Variants in ADGB observed in about 807,000 individuals in gnomAD.
ADGB encodes the protein androglobin, also known as calpain-7-like protein.
In ADGB, 172 loss-of-function variants were observed where a neutral mutation model predicts 210.5. That is an observed-to-expected ratio of 0.82 (90% CI 0.72 to 0.93). The LOEUF (loss-of-function observed/expected upper bound fraction) is 0.93, where lower values mean the gene tolerates loss of function less well. Ranked by LOEUF, ADGB falls within the 40% of genes least tolerant of loss-of-function variation. The pLI, the probability that ADGB is intolerant of heterozygous loss-of-function variation, is 0.00. For missense variants in ADGB, 2,025 were observed against 1,964.8 expected, an observed-to-expected ratio of 1.03 and a Z score of -0.58; for synonymous variants, 658 against 662.7, an observed-to-expected ratio of 0.99 and a Z score of 0.11.
chr6:146,790,248 T>C (rs1254896941), intron 33 of ADGB, among the ~76,000 whole-genome samples: 2 of 152,156 alleles, frequency 1.3e-5, no homozygotes, highest in Non-Finnish European at 2.9e-5. Context: ...GTTAGCTGTG[T>C]TCACCAAGCT....
chr6:146,705,246 G>A (rs2114549877), intron 13 of ADGB, among the ~76,000 whole-genome samples: 1 of 151,930 alleles, frequency 6.6e-6, no homozygotes, highest in East Asian at 1.9e-4. Context: ...GAAAAATTTA[G>A]CTTCTTTCTT....
Position 146,721,495 on chromosome 6 carries a change from G to A in ADGB, c.2085G>A (p.Gly695=), listed in dbSNP as rs1362150575. The change falls in exon 17 of 36, where the codon GGG becomes GGA. Residue 695 remains glycine (G), a synonymous_variant. Transcript: ENST00000397944. ...LVCFSALVRW[G]EYGALTKDSP... is the part of the protein sequence containing the mutation. ...GCTTTTCTGCATTGGTACGCTGGGG[G>A]GAGTATGGAGGTAAGAGGGCTCTGA... 1.9e-6 allele frequency: 3 copies of A among 1,542,832 alleles called. No individual in the cohort carries two copies. Among genetic ancestry groups the A allele is most frequent in the South Asian group, 1.2e-5 (1 of 83,866 alleles).
intron 1 of ADGB, among the ~76,000 whole-genome samples, chr6:146,605,092 A>G (rs749213387): frequency 6.6e-6 from 1 of 152,202 alleles, no homozygotes; most frequent in Non-Finnish European, 1.5e-5. Flanking sequence ...GGATAGATTA[A>G]GGAATTCAAA....
chr6:146,800,988 C>T (rs1196261778), intron 33 of ADGB, among the ~76,000 whole-genome samples, 195 bp from the exon 34 acceptor site: 1 of 151,654 alleles, frequency 6.6e-6, no homozygotes, highest in Non-Finnish European at 1.5e-5. Context: ...AGCATAGTAA[C>T]ACCAGCTAGA....
At chr6:146,734,959 C>T (rs901626606) in intron 22 of ADGB, among the ~76,000 whole-genome samples, 3 of 151,930 alleles carry the variant, frequency 2.0e-5, no homozygotes, top group Non-Finnish European at 2.9e-5. Context: ...TATTTTCATT[C>T]TGTGGTTTTT....
At chr6:146,623,519 A>T (rs1780926144) in intron 1 of ADGB, among the ~76,000 whole-genome samples, 1 of 151,864 alleles carries the variant, frequency 6.6e-6, no homozygotes, top group Admixed American at 6.6e-5. Flanking sequence ...ACAAAAGTTC[A>T]ATTTATTTTT....
rs775073604 is a variant in ADGB at position 146,740,555 on chromosome 6, T to C, written c.2985T>C (p.Tyr995=). The C allele has an allele frequency of 8.6e-5, 133 of 1,550,822 alleles. No homozygotes were observed. Among genetic ancestry groups the C allele is most frequent in the Non-Finnish European group, 1.1e-4 (127 of 1,146,616 alleles). ...KIAFADYTVT[Y]QEQPPNSWFI... ...CTTTTGCAGATTATACTGTGACTTA[T>C]CAAGAACAGCCACCAAATTCTTGGT... The change falls in exon 24 of 36, where the codon TAT becomes TAC. Residue 995 remains tyrosine, a synonymous_variant. Transcript: ENST00000397944.
At chr6:146,733,629 T>G (rs1777036808) in intron 21 of ADGB, among the ~76,000 whole-genome samples, 1 of 152,224 alleles carries the variant, frequency 6.6e-6, no homozygotes, top group Non-Finnish European at 1.5e-5. Context: ...TTAACATGTC[T>G]TTTATTTTTG....
chr6:146,622,421 C>A (rs1780907913), intron 1 of ADGB, among the ~76,000 whole-genome samples: 1 of 152,076 alleles, frequency 6.6e-6, no homozygotes, highest in South Asian at 2.1e-4. Context: ...CACAGACAAT[C>A]TTTGTTATTT....
chr6:146,604,456 C>G lies in ADGB; in HGVS notation c.74+5342C>G, dbSNP rs185905981. ...CTTTGTGGCCCCCCTTTGTTTCCCC[C>G]AACTTGAGATGTATGAAGGCTTTTG... On this transcript the variant is annotated intron_variant, in intron 1 of 35. Transcript: ENST00000397944. Among the ~76,000 whole-genome samples the G allele has an allele frequency of 1.3e-3, 193 of 151,966 alleles. 1 individual carries two copies. Among genetic ancestry groups the G allele is most frequent in the African/African-American group, 4.4e-3 (181 of 41,450 alleles).
chr6:146,714,981 A>G (rs1382406443), intron 13 of ADGB, among the ~76,000 whole-genome samples: 1 of 152,220 alleles, frequency 6.6e-6, no homozygotes, highest in Admixed American at 6.5e-5. Flanking sequence ...AGCCATTTTT[A>G]TAATTGAAAT....
intron 12 of ADGB, among the ~76,000 whole-genome samples, chr6:146,693,695 A>G (rs1471761507): frequency 1.3e-5 from 2 of 152,092 alleles, no homozygotes; most frequent in Non-Finnish European, 2.9e-5. Flanking sequence ...GAATTGTCCA[A>G]ATCTATTTCT....
Position 146,764,021 on chromosome 6 carries a change from A to G in ADGB, c.3671A>G (p.Gln1224Arg). 1 of 1,551,538 alleles carries G rather than the reference A, an allele frequency of 6.4e-7. No homozygotes were observed. The highest frequency in any genetic ancestry group is 1.2e-5 in the South Asian group (1 of 84,054). ...SPKGRAVSAI[Q>R]DIGLPLVEEE... is the part of the protein sequence containing the mutation. ...AAGGGTAGAGCTGTAAGTGCAATACAAGACATTGGTCTACCCCTTGTGGAG... is the reference window on the plus strand; with the variant it reads ...AAGGGTAGAGCTGTAAGTGCAATACGAGACATTGGTCTACCCCTTGTGGAG... The change falls in exon 28 of 36, where the codon CAA (glutamine) becomes CGA (arginine). Residue 1224 changes from glutamine (Q) to arginine (R), a missense_variant. Transcript: ENST00000397944.
chr6:146,778,205 G>A (rs1162384588), intron 29 of ADGB, among the ~76,000 whole-genome samples: 1 of 152,176 alleles, frequency 6.6e-6, no homozygotes, highest in Non-Finnish European at 1.5e-5. Context: ...ACCAGAAGCT[G>A]AAGTTGTAGC....
At chr6:146,754,774 T>C (rs1475849733) in intron 27 of ADGB, among the ~76,000 whole-genome samples, 4 of 152,058 alleles carry the variant, frequency 2.6e-5, no homozygotes, top group Non-Finnish European at 5.9e-5. Context: ...CTGGTGTTTT[T>C]CCAGTTTCCT....
rs61291410 is a variant in ADGB, at chr6:146,733,105, A to ATTAATGTAC, written c.2521-13_2521-12insAATGTACTT. On this transcript the variant is annotated splice_polypyrimidine_tract_variant and intron_variant, in intron 20 of 35. Coordinates refer to ENST00000397944, the MANE Select transcript of ADGB (RefSeq NM_024694.4). ...ATGGTATTTTCTTGCTATAAAAAAA[A>ATTAATGTAC]TTTATGTGTTTCAGGTTTTTCATCT... 0.45 allele frequency: 638,829 copies of ATTAATGTAC among 1,425,118 alleles called. 150,134 individuals carry two copies. The highest frequency in any genetic ancestry group is 0.68 in the African/African-American group (46,099 of 67,994). 88.3% of individuals were successfully genotyped at this position (1,425,118 alleles called of 1,614,324 possible).
intron 11 of ADGB, among the ~76,000 whole-genome samples, chr6:146,692,002 A>G (rs1385200640): frequency 2.0e-5 from 3 of 151,802 alleles, no homozygotes; most frequent in Non-Finnish European, 4.4e-5. Flanking sequence ...TCTGTTTGAC[A>G]CTTGAAAGGA....
In ADGB at chr6:146,624,026, C is replaced by T. The variant is rs112073656; in HGVS notation, c.75-11349C>T. Among the ~76,000 whole-genome samples the T allele has an allele frequency of 2.8e-3, 430 of 151,718 alleles. 4 individuals carry two copies. The highest frequency in any genetic ancestry group is 9.8e-3 in the African/African-American group (408 of 41,482). On this transcript the variant is annotated intron_variant, in intron 1 of 35. Coordinates refer to ENST00000397944, the MANE Select transcript of ADGB (RefSeq NM_024694.4). The stretch of plus-strand genomic sequence containing the variant: ...CTATGTTCATGAGAGATATTGGGTT[C>T]CAGTTTTCTTTTATTTTGATGTCTT...
In ADGB at chr6:146,692,859, G is replaced by C. The variant is rs1776350505; in HGVS notation, c.1521G>C (p.Glu507Asp). Reference protein sequence around the residue: ...LIVKKPERFLEISSPFLNYRM... With the variant: ...LIVKKPERFLDISSPFLNYRM... The stretch of plus-strand genomic sequence containing the variant: ...TAAAGAAGCCTGAACGGTTCCTTGA[G>C]ATTTCAAGTCCATTTTTGAATTATA... The change falls in exon 12 of 36, where the codon GAG becomes GAC. Residue 507 changes from glutamate to aspartate, a missense_variant. Transcript: ENST00000397944. 1.9e-6 allele frequency: 3 copies of C among 1,541,610 alleles called. No individual in the cohort carries two copies. In the East Asian group the frequency reaches 7.4e-5, roughly 38 times the overall value.
Sources: gnomAD v4.1 joint callset for allele counts (sites outside exome capture counted in the v4.1 genomes callset) on GRCh38, gnomAD v4.1.1 for gene constraint, MANE v1.5 for transcripts, NCBI Gene and HGNC (gene_info 2026-07-23, HGNC 2026-07-21) for gene names.